Variants in JMJD1C observed in about 807,000 individuals in gnomAD.
The protein encoded by JMJD1C is jumonji domain containing 1C, also known as jumonji domain-containing protein 1C.
JMJD1C carries 31 observed loss-of-function variants against 245.3 expected under a neutral mutation model. The observed-to-expected ratio is 0.13, with a 90% confidence interval of 0.09 to 0.17. The LOEUF is 0.17. Ranked by LOEUF, JMJD1C falls within the 10% of genes least tolerant of loss-of-function variation. JMJD1C has a pLI of 1.00. For synonymous variants in JMJD1C, 1,057 were observed against 1,017.4 expected (o/e 1.04, Z -0.74); for missense variants, 2,691 against 3,000.2 (o/e 0.90, Z 2.41).
intron 2 of JMJD1C, among the ~76,000 whole-genome samples, chr10:63,277,871 G>T (rs949310530): frequency 2.7e-5 from 4 of 150,386 alleles, no homozygotes; most frequent in African/African-American, 7.3e-5. Flanking sequence ...CGAGTAGCTG[G>T]GATTACAGGT....
At chr10:63,350,397 T>C (rs1311617595) in intron 2 of JMJD1C, among the ~76,000 whole-genome samples, 2 of 152,210 alleles carry the variant, frequency 1.3e-5, no homozygotes, top group Non-Finnish European at 2.9e-5. Context: ...GAAATAACTT[T>C]TTTCATTTTT....
chr10:63,415,834 TATCAATTC>T (rs1949766412), intron 1 of JMJD1C, among the ~76,000 whole-genome samples: 1 of 152,214 alleles, frequency 6.6e-6, no homozygotes, highest in African/African-American at 2.4e-5. Context: ...CTGCTGATAC[TATCAATTC>T]ATCACTTCAT....
intron 1 of JMJD1C, among the ~76,000 whole-genome samples, chr10:63,450,838 T>C (rs989249587): frequency 6.6e-5 from 10 of 151,656 alleles, no homozygotes; most frequent in Non-Finnish European, 1.2e-4. Context: ...GACATTCAAA[T>C]TGGAAAAGAA....
intron 2 of JMJD1C, among the ~76,000 whole-genome samples, chr10:63,325,952 A>G (rs933410800): frequency 3.3e-5 from 5 of 152,214 alleles, no homozygotes; most frequent in African/African-American, 1.2e-4. Flanking sequence ...TAAATCCATC[A>G]TAGCACAGTT....
Position 63,192,919 on chromosome 10 carries a change from G to C in JMJD1C, c.6076+19C>G, listed in dbSNP as rs1375494085. The C allele has an allele frequency of 1.9e-6, 3 of 1,570,874 alleles. No homozygotes were observed. Among genetic ancestry groups the C allele is most frequent in the African/African-American group, 1.3e-5 (1 of 74,144 alleles). Reference sequence around the variant, plus strand: ...ACTATACTCCTCTCACACATGCCTAGATAATCAATTATGTTTACCTTTTTT... The same window carrying C: ...ACTATACTCCTCTCACACATGCCTACATAATCAATTATGTTTACCTTTTTT... On this transcript the variant is annotated intron_variant, in intron 16 of 25. Coordinates refer to ENST00000399262, the MANE Select transcript of JMJD1C (RefSeq NM_032776.3).
chr10:63,455,352 A>C (rs1277895910), intron 1 of JMJD1C, among the ~76,000 whole-genome samples: 1 of 152,228 alleles, frequency 6.6e-6, no homozygotes, highest in African/African-American at 2.4e-5. Context: ...GTTAAAGCTT[A>C]ACCCTATCCA....
At position 63,360,990 on chromosome 10, in the gene JMJD1C, C is replaced by T. The variant is rs1945278437; in HGVS notation, c.333+19328G>A. Among the ~76,000 whole-genome samples, 5 of 152,112 alleles carry T rather than the reference C, an allele frequency of 3.3e-5. 2 individuals are homozygous for T. The highest frequency in any genetic ancestry group is 3.3e-4 in the Admixed American group (5 of 15,260). Reference sequence around the variant, plus strand: ...CCATTAAATACTTTCAATTGTTTTCCATTATCTTCGTCATTACAAATGAAC... The same window carrying T: ...CCATTAAATACTTTCAATTGTTTTCTATTATCTTCGTCATTACAAATGAAC... On this transcript the variant is annotated intron_variant, in intron 2 of 25. Transcript: ENST00000399262.
intron 1 of JMJD1C, among the ~76,000 whole-genome samples, chr10:63,385,004 C>G (rs1019994379): frequency 6.6e-6 from 1 of 152,102 alleles, no homozygotes; most frequent in East Asian, 1.9e-4. Flanking sequence ...TGTGACTATT[C>G]CTTTCACTTG....
chr10:63,510,239 G>A (rs1232471715), intron 1 of JMJD1C, among the ~76,000 whole-genome samples: 6 of 151,976 alleles, frequency 3.9e-5, no homozygotes, highest in Admixed American at 6.5e-5. Context: ...TCCTGACCTC[G>A]TGATCCACCC....
At chr10:63,230,752 G>C (rs933532659) in intron 3 of JMJD1C, among the ~76,000 whole-genome samples, 6 of 151,562 alleles carry the variant, frequency 4.0e-5, no homozygotes, top group African/African-American at 1.5e-4. Context: ...TCCAGCCTAG[G>C]TGACAGAGTG....
chr10:63,430,745 A>C (rs1394656967), intron 1 of JMJD1C, among the ~76,000 whole-genome samples: 1 of 152,192 alleles, frequency 6.6e-6, no homozygotes, highest in Non-Finnish European at 1.5e-5. Context: ...TTATATCTCA[A>C]TAAAACTATC....
At chr10:63,238,577 G>A (rs1001881588) in intron 3 of JMJD1C, among the ~76,000 whole-genome samples, 10 of 151,952 alleles carry the variant, frequency 6.6e-5, no homozygotes, top group African/African-American at 2.4e-4. Flanking sequence ...AGTTATAATC[G>A]ATGTAAACTG....
chr10:63,356,459 C>T (rs1212179427), intron 2 of JMJD1C, among the ~76,000 whole-genome samples: 1 of 152,206 alleles, frequency 6.6e-6, no homozygotes, highest in Non-Finnish European at 1.5e-5. Flanking sequence ...CCTGAGAAAG[C>T]ATTCTTTGAT....
In JMJD1C at chr10:63,368,306, T is replaced by A. The variant is rs540057803; in HGVS notation, c.333+12012A>T. On this transcript the variant is annotated intron_variant, in intron 2 of 25. Transcript: ENST00000399262. ...GAAAGCAGTACCCAGAAGAGTTCCA[T>A]AATTAAATTGGAATGCTCTGTGCAG... 2.0e-5 allele frequency among the ~76,000 whole-genome samples: 3 copies of A among 152,286 alleles called. No homozygotes were observed. In the South Asian group the frequency reaches 6.2e-4, roughly 32 times the overall value.
chr10:63,336,590 TA>T (rs1301010678), intron 2 of JMJD1C, among the ~76,000 whole-genome samples: 1 of 151,960 alleles, frequency 6.6e-6, no homozygotes, highest in South Asian at 2.1e-4. Context: ...ATAGAATAAA[TA>T]AAAAAGAAGA....
chr10:63,186,469 T>TG, intron 18 of JMJD1C, 86 bp from the exon 19 acceptor site: 1 of 1,141,328 alleles, frequency 8.8e-7, no homozygotes, highest in Non-Finnish European at 1.2e-6. Flanking sequence ...GACAGAGTCT[T>TG]GCTCTCTTAC....
At chr10:63,277,983 T>C (rs1856984891) in intron 2 of JMJD1C, among the ~76,000 whole-genome samples, 1 of 151,892 alleles carries the variant, frequency 6.6e-6, no homozygotes. Context: ...TCTGCCCACC[T>C]CGACCTCCCA....
At chr10:63,427,832 TTG>T in intron 1 of JMJD1C, 1 of 1,049,258 alleles carries the variant, frequency 9.5e-7, no homozygotes, top group Non-Finnish European at 1.5e-6. Flanking sequence ...AAAACACTTG[TTG>T]AGACAGCCAA....
In JMJD1C at chr10:63,207,642, G is replaced by A. The variant is rs183741384; in HGVS notation, c.4027C>T (p.Leu1343Phe). The A allele has an allele frequency of 1.2e-6, 2 of 1,613,964 alleles. No individual in the cohort carries two copies. Among genetic ancestry groups the A allele is most frequent in the Non-Finnish European group, 1.7e-6 (2 of 1,180,034 alleles). ...GTTTCTCCGGCTTCTGCTAGTTTGAGGCAATCTGTTTTATGTGCCCCAGCT... is the reference window on the plus strand; with the variant it reads ...GTTTCTCCGGCTTCTGCTAGTTTGAAGCAATCTGTTTTATGTGCCCCAGCT... Reference protein sequence around the residue: ...SSAGAHKTDCLKLAEAGETGR... With the variant: ...SSAGAHKTDCFKLAEAGETGR... Residue 1343 changes from leucine to phenylalanine, a missense_variant, in exon 10 of 26, where the codon CTC (leucine) becomes TTC (phenylalanine). By Grantham distance (22) the Leu-to-Phe change is conservative. Transcript: ENST00000399262.
Sources: gnomAD v4.1 joint callset for allele counts (sites outside exome capture counted in the v4.1 genomes callset) on GRCh38, gnomAD v4.1.1 for gene constraint, MANE v1.5 for transcripts, NCBI Gene and HGNC (gene_info 2026-07-23, HGNC 2026-07-21) for gene names.